The following CFAP54 variants were observed in gnomAD, a reference collection of about 807,000 sequenced individuals.
The protein encoded by CFAP54 is cilia and flagella associated protein 54, also known as cilia- and flagella-associated protein 54.
In CFAP54, 290 loss-of-function variants were observed where a neutral mutation model predicts 370.4. The ratio of observed to expected loss-of-function variants is 0.78; its 90% CI spans 0.71 to 0.86. CFAP54 has a LOEUF of 0.86. Ranked by LOEUF, CFAP54 falls within the 40% of genes least tolerant of loss-of-function variation. CFAP54 has a pLI of 0.00. For missense variants in CFAP54, 3,399 were observed against 3,528.7 expected (o/e 0.96, Z 0.93); for synonymous variants, 1,206 against 1,236.5 (o/e 0.98, Z 0.52).
chr12:96,653,570 A>G (rs1592713), intron 36 of CFAP54, among the ~76,000 whole-genome samples: 58,062 of 152,012 alleles, frequency 0.38, 12,178 homozygotes, highest in Admixed American at 0.49. Context: ...GAATATTTGA[A>G]ACTAATAATA....
rs1254184589 is a variant in CFAP54 at position 96,756,581 on chromosome 12, T to C, written c.7946+18T>C. On this transcript the variant is annotated intron_variant, in intron 57 of 67. Coordinates refer to ENST00000524981, the MANE Select transcript of CFAP54 (RefSeq NM_001306084.2). The stretch of plus-strand genomic sequence containing the variant: ...AACTCAGGGTAAAAAGATATTCCAT[T>C]GTTGTAGCTGTGTGTGTTTGGCTTG... 6.6e-7 allele frequency: 1 copy of C among 1,504,892 alleles called. No homozygotes were observed. The highest frequency in any genetic ancestry group is 1.4e-5 in the African/African-American group (1 of 72,504). 93.2% of individuals were successfully genotyped at this position (1,504,892 alleles called of 1,614,324 possible). A position where few individuals can be genotyped will look rare whatever the true frequency, so the allele number is the denominator to read the frequency against.
intron 49 of CFAP54, among the ~76,000 whole-genome samples, chr12:96,719,807 T>C (rs532810119): frequency 5.1e-4 from 78 of 152,354 alleles, no homozygotes; most frequent in Admixed American, 2.0e-3. Flanking sequence ...ATATTTACAA[T>C]GACCCTCCAG....
rs1434657127 is a variant in CFAP54 at position 96,500,857 on chromosome 12, G to A, written c.341G>A (p.Trp114Ter). ...RRCATSLFNI[W>*]TKYAPRLPAD... ...AGTGCCACTTCTTTGTTTAATATCT[G>A]GACTAAATACGCCCCCAGGCTGCCA... Residue 114 changes from tryptophan (W) to a stop codon, truncating the protein, a stop_gained, in exon 2 of 68, where the codon TGG becomes TAG. Coordinates refer to ENST00000524981, the MANE Select transcript of CFAP54 (RefSeq NM_001306084.2). LOFTEE classifies it high-confidence loss of function. 4 of 1,532,782 alleles carry A rather than the reference G, an allele frequency of 2.6e-6. No homozygotes were observed. In the African/African-American group the frequency reaches 4.1e-5, roughly 16 times the overall value. 94.9% of individuals were successfully genotyped at this position (1,532,782 alleles called of 1,614,324 possible).
rs113335610 is a variant in CFAP54, at chr12:96,636,860, AAAAC to A, written c.4316+6229_4316+6232del. On this transcript the variant is annotated intron_variant, in intron 32 of 67. Transcript: ENST00000524981. Reference sequence around the variant, plus strand: ...TCCCAGCTACTCAGGAGTCCGAGGAAAAACAAACAAACAAACAAACAAAAAACAG... The same window carrying A: ...TCCCAGCTACTCAGGAGTCCGAGGAAAAACAAACAAACAAACAAAAAACAG... 3.1e-3 allele frequency among the ~76,000 whole-genome samples: 473 copies of A among 152,274 alleles called. 6 individuals carry two copies. The highest frequency in any genetic ancestry group is 3.3e-3 in the South Asian group (16 of 4,814).
intron 32 of CFAP54, among the ~76,000 whole-genome samples, chr12:96,635,338 C>A (rs1280792871): frequency 1.3e-5 from 2 of 151,838 alleles, no homozygotes; most frequent in African/African-American, 2.4e-5. Context: ...ATTTCTTTTT[C>A]ATTGATTTTT....
intron 22 of CFAP54, among the ~76,000 whole-genome samples, chr12:96,587,456 C>A (rs1273365549): frequency 6.6e-6 from 1 of 152,134 alleles, no homozygotes; most frequent in African/African-American, 2.4e-5. Context: ...TTTCATTAGT[C>A]TTTTAGTGCT....
Position 96,828,189 on chromosome 12 carries a change from C to G in CFAP54, c.9097-825C>G, listed in dbSNP as rs116810305. 4.6e-3 allele frequency among the ~76,000 whole-genome samples: 684 copies of G among 149,776 alleles called. 4 individuals are homozygous for G. Among genetic ancestry groups the G allele is most frequent in the African/African-American group, 0.016 (655 of 40,590 alleles). ...GACAATTATGTAGTTATGACTTCTT[C>G]AGTTGTAAGTGAGGAAAAAACTACT... On this transcript the variant is annotated intron_variant, in intron 65 of 67. Coordinates refer to ENST00000524981, the MANE Select transcript of CFAP54 (RefSeq NM_001306084.2).
intron 32 of CFAP54, among the ~76,000 whole-genome samples, chr12:96,642,662 A>C (rs1334171157): frequency 3.3e-5 from 5 of 152,178 alleles, no homozygotes. Flanking sequence ...TATTTCCTTA[A>C]GCCAGAATAT....
At chr12:96,615,077 A>G (rs1459572050) in intron 26 of CFAP54, among the ~76,000 whole-genome samples, 1 of 152,232 alleles carries the variant, frequency 6.6e-6, no homozygotes, top group Non-Finnish European at 1.5e-5. Flanking sequence ...CAAAAGAACA[A>G]AGCTGGAGGC....
At chr12:96,528,636 A>T (rs981241637) in intron 9 of CFAP54, among the ~76,000 whole-genome samples, 1 of 152,158 alleles carries the variant, frequency 6.6e-6, no homozygotes, top group Non-Finnish European at 1.5e-5. Flanking sequence ...AAAATTTTTC[A>T]GATTTTCTTT....
At chr12:96,555,451 A>C (rs902605850) in intron 17 of CFAP54, among the ~76,000 whole-genome samples, 7 of 151,604 alleles carry the variant, frequency 4.6e-5, no homozygotes, top group Non-Finnish European at 8.8e-5. Flanking sequence ...AAAAATAAAG[A>C]TATAAGGATT....
chr12:96,750,192 G>C (rs538539145), intron 55 of CFAP54, among the ~76,000 whole-genome samples: 1 of 152,160 alleles, frequency 6.6e-6, no homozygotes, highest in Non-Finnish European at 1.5e-5. Context: ...TGCCTGCCCT[G>C]GTTCCCAGGC....
chr12:96,496,468 C>T (rs1954955910), intron 1 of CFAP54, among the ~76,000 whole-genome samples: 1 of 152,212 alleles, frequency 6.6e-6, no homozygotes, highest in South Asian at 2.1e-4. Flanking sequence ...ATGAGGACTC[C>T]TCTCCTGGTT....
At chr12:96,800,519 C>T (rs1958809517) in intron 63 of CFAP54, among the ~76,000 whole-genome samples, 1 of 152,152 alleles carries the variant, frequency 6.6e-6, no homozygotes, top group South Asian at 2.1e-4. Context: ...GATGTAGTTG[C>T]TGCCATAATG....
chr12:96,678,951 CTG>C (rs980503603), intron 39 of CFAP54, among the ~76,000 whole-genome samples: 3 of 152,168 alleles, frequency 2.0e-5, no homozygotes, highest in Non-Finnish European at 2.9e-5. Flanking sequence ...GTCCTGCAAA[CTG>C]TGATTCCTCT....
At chr12:96,586,957 A>T (rs929065106) in intron 22 of CFAP54, among the ~76,000 whole-genome samples, 1 of 152,124 alleles carries the variant, frequency 6.6e-6, no homozygotes, top group African/African-American at 2.4e-5. Flanking sequence ...ATGTGGTGAG[A>T]AGTAGTCAGT....
At chr12:96,598,258 G>A (rs1430965250) in intron 25 of CFAP54, among the ~76,000 whole-genome samples, 1 of 152,032 alleles carries the variant, frequency 6.6e-6, no homozygotes, top group African/African-American at 2.4e-5. Context: ...GAATCACTAT[G>A]TAATATTTAA....
At chr12:96,822,016 C>G (rs1014601205) in intron 65 of CFAP54, among the ~76,000 whole-genome samples, 15 of 152,156 alleles carry the variant, frequency 9.9e-5, no homozygotes, top group African/African-American at 3.6e-4. Context: ...GTATATCCCC[C>G]CAAAACCCTA....
At chr12:96,855,648 A>C (rs963449402) in intron 66 of CFAP54, among the ~76,000 whole-genome samples, 1 of 152,212 alleles carries the variant, frequency 6.6e-6, no homozygotes, top group Admixed American at 6.5e-5. Flanking sequence ...GGGCTTGCTG[A>C]TGCAAGAGGT....
Sources: allele counts gnomAD v4.1 joint callset (sites outside exome capture counted in the v4.1 genomes callset), GRCh38; gene constraint gnomAD v4.1.1; transcripts MANE v1.5; gene names NCBI Gene and HGNC (gene_info 2026-07-23, HGNC 2026-07-21).